The following STXBP6 variants were observed in gnomAD, a reference collection of about 807,000 sequenced individuals.
STXBP6 encodes the protein syntaxin binding protein 6, also known as syntaxin-binding protein 6.
In STXBP6, 21 loss-of-function variants were observed where a neutral mutation model predicts 26.9. The observed-to-expected ratio is 0.78, with a 90% CI of 0.55 to 1.12. The LOEUF is 1.12. Among genes scored for constraint, STXBP6 ranks in the 50% most tolerant of loss-of-function variants. The pLI is 0.00. For synonymous variants in STXBP6, 97 were observed against 92.6 expected (o/e 1.05, Z -0.27); for missense variants, 232 against 257.9 (o/e 0.90, Z 0.69).
chr14:25,035,671 C>T (rs1204007297), intron 1 of STXBP6, among the ~76,000 whole-genome samples: 1 of 152,052 alleles, frequency 6.6e-6, no homozygotes, highest in Non-Finnish European at 1.5e-5. Flanking sequence ...TTAAAATGTC[C>T]TCAGAATTTT....
chr14:25,043,836 T>C (rs1310992127), intron 1 of STXBP6, among the ~76,000 whole-genome samples: 2 of 152,218 alleles, frequency 1.3e-5, no homozygotes, highest in Non-Finnish European at 2.9e-5. Flanking sequence ...TGTTTATCCA[T>C]TCAGCAGCCG....
chr14:24,910,586 A>G (rs2071537331), intron 2 of STXBP6, among the ~76,000 whole-genome samples: 1 of 151,876 alleles, frequency 6.6e-6, no homozygotes, highest in Non-Finnish European at 1.5e-5. Context: ...TAAAATCAAT[A>G]TCTTTAAGCA....
At chr14:24,973,952 A>T (rs2073975183) in intron 2 of STXBP6, among the ~76,000 whole-genome samples, 1 of 152,208 alleles carries the variant, frequency 6.6e-6, no homozygotes, top group Non-Finnish European at 1.5e-5. Context: ...CATACAAGAA[A>T]TATTATCAGA....
intron 1 of STXBP6, among the ~76,000 whole-genome samples, chr14:25,012,552 A>T (rs1364637379): frequency 6.6e-6 from 1 of 152,156 alleles, no homozygotes; most frequent in Non-Finnish European, 1.5e-5. Flanking sequence ...GTGAGCTGAG[A>T]TTGCACCACT....
At chr14:24,869,718 C>T (rs1389341824) in intron 2 of STXBP6, among the ~76,000 whole-genome samples, 1 of 152,186 alleles carries the variant, frequency 6.6e-6, no homozygotes, top group African/African-American at 2.4e-5. Context: ...CACACACTTC[C>T]ATCCACCTGT....
In STXBP6 at chr14:25,013,502, A is replaced by ACACACACC. The variant is rs993601171; in HGVS notation, c.-33+36375_-33+36376insGGTGTGTG. Among the ~76,000 whole-genome samples, 23 of 149,924 alleles carry ACACACACC rather than the reference A, an allele frequency of 1.5e-4. 1 individual carries two copies. Among genetic ancestry groups the ACACACACC allele is most frequent in the Admixed American group, 6.0e-4 (9 of 15,074 alleles). The stretch of plus-strand genomic sequence containing the variant: ...CACACACACACACACACACACACAC[A>ACACACACC]CCCCTAAAGGTAAGTGTCTTCTCAT... On this transcript the variant is annotated intron_variant, in intron 1 of 5. Transcript: ENST00000323944.
chr14:24,963,542 G>A (rs1457852353), intron 2 of STXBP6, among the ~76,000 whole-genome samples: 1 of 152,202 alleles, frequency 6.6e-6, no homozygotes, highest in Non-Finnish European at 1.5e-5. Context: ...AAAATCCTCA[G>A]AGAGGTTAAC....
chr14:24,993,043 A>G (rs534495984), intron 1 of STXBP6, among the ~76,000 whole-genome samples: 34 of 152,218 alleles, frequency 2.2e-4, no homozygotes, highest in Admixed American at 3.9e-4. Context: ...AAATGTTGTT[A>G]TGCCTCTTGG....
intron 2 of STXBP6, among the ~76,000 whole-genome samples, chr14:24,910,617 A>C (rs1373362147): frequency 6.6e-6 from 1 of 152,224 alleles, no homozygotes; most frequent in Non-Finnish European, 1.5e-5. Flanking sequence ...TGCAACTCAC[A>C]ATGTTACATA....
intron 2 of STXBP6, among the ~76,000 whole-genome samples, chr14:24,880,643 C>A (rs1595031645): frequency 6.6e-6 from 1 of 152,198 alleles, no homozygotes; most frequent in East Asian, 1.9e-4. Context: ...GCCATGAGAG[C>A]AAAAATCTGG....
intron 2 of STXBP6, among the ~76,000 whole-genome samples, chr14:24,935,534 T>C (rs900245696): frequency 9.9e-5 from 15 of 152,122 alleles, no homozygotes; most frequent in African/African-American, 3.6e-4. Flanking sequence ...AAGAAAAACA[T>C]CTCCATGTTG....
At chr14:25,013,349 T>C (rs1334217962) in intron 1 of STXBP6, among the ~76,000 whole-genome samples, 3 of 152,114 alleles carry the variant, frequency 2.0e-5, no homozygotes, top group South Asian at 4.2e-4. Context: ...TTATTCTTCA[T>C]AGAAGTAGTC....
chr14:24,911,401 AGAAAG>A (rs1455648806), intron 2 of STXBP6, among the ~76,000 whole-genome samples: 2 of 151,844 alleles, frequency 1.3e-5, no homozygotes, highest in African/African-American at 4.8e-5. Flanking sequence ...GAGAAAGGAA[AGAAAG>A]GAAAGGAAGA....
At chr14:24,950,467 G>A (rs2073126858) in intron 2 of STXBP6, among the ~76,000 whole-genome samples, 1 of 152,136 alleles carries the variant, frequency 6.6e-6, no homozygotes, top group Non-Finnish European at 1.5e-5. Context: ...ATAGCGGTAT[G>A]TTTTTATGAT....
At chr14:24,856,139 A>C in intron 3 of STXBP6, 38 bp from the exon 4 acceptor site, 1 of 1,533,108 alleles carries the variant, frequency 6.5e-7, no homozygotes, top group Non-Finnish European at 8.7e-7. Context: ...ATCTCAATCT[A>C]TAAAAACTGC....
rs1423417858 is a variant in STXBP6, at chr14:24,949,026, GCA to G, written c.154+25637_154+25638del. Among the ~76,000 whole-genome samples the G allele has an allele frequency of 2.6e-5, 4 of 152,160 alleles. No homozygotes were observed. In the East Asian group the frequency reaches 5.8e-4, roughly 22 times the overall value. On this transcript the variant is annotated intron_variant, in intron 2 of 5. Coordinates refer to ENST00000323944, the MANE Select transcript of STXBP6 (RefSeq NM_001394410.1). ...AGTGACATCAATGGGGGAGAGGAGG[GCA>G]CACAGAGTAGCTGGAAAGATAAGGA...
intron 2 of STXBP6, among the ~76,000 whole-genome samples, chr14:24,873,737 G>T (rs2070029230): frequency 6.6e-6 from 1 of 152,106 alleles, no homozygotes; most frequent in African/African-American, 2.4e-5. Context: ...GGACTCTTTT[G>T]TAAGGAGATT....
chr14:24,927,784 TC>T (rs1289317394), intron 2 of STXBP6, among the ~76,000 whole-genome samples: 1 of 152,122 alleles, frequency 6.6e-6, no homozygotes, highest in Non-Finnish European at 1.5e-5. Flanking sequence ...AGGACAGTTT[TC>T]CCCCTCCCTT....
chr14:24,953,523 C>T (rs2140073720), intron 2 of STXBP6, among the ~76,000 whole-genome samples: 1 of 152,278 alleles, frequency 6.6e-6, no homozygotes, highest in South Asian at 2.1e-4. Context: ...TCCTGCTGCT[C>T]CCACGCTTTC....
Sources: allele counts gnomAD v4.1 joint callset (sites outside exome capture counted in the v4.1 genomes callset), GRCh38; gene constraint gnomAD v4.1.1; transcripts MANE v1.5; gene names NCBI Gene and HGNC (gene_info 2026-07-23, HGNC 2026-07-21).